Variants in MSH4 observed in about 807,000 individuals in gnomAD.
MSH4 encodes the protein mutS homolog 4.
A neutral mutation model predicts 113.7 loss-of-function variants in MSH4; 106 were observed. That is an observed-to-expected ratio of 0.93 (90% CI 0.80 to 1.10). MSH4 has a LOEUF of 1.10. MSH4 is among the 50% of genes least tolerant of loss of function. MSH4 has a pLI of 0.00. For synonymous variants in MSH4, 368 were observed against 380.2 expected, an observed-to-expected ratio of 0.97 and a Z score of 0.37; for missense variants, 1,061 against 1,093.7, an observed-to-expected ratio of 0.97 and a Z score of 0.42.
chr1:75,837,271 C>A (rs1360891860), intron 7 of MSH4, among the ~76,000 whole-genome samples: 1 of 151,980 alleles, frequency 6.6e-6, no homozygotes, highest in Non-Finnish European at 1.5e-5. Flanking sequence ...AAATAAATTT[C>A]TCTTGTTTAT....
chr1:75,819,747 G>T (rs1289877393), intron 6 of MSH4, among the ~76,000 whole-genome samples: 2 of 152,136 alleles, frequency 1.3e-5, no homozygotes, highest in Non-Finnish European at 2.9e-5. Context: ...GTCTCACTTT[G>T]TAGCCCAGGC....
chr1:75,874,441 C>G (rs1448977650), intron 9 of MSH4, among the ~76,000 whole-genome samples: 2 of 152,026 alleles, frequency 1.3e-5, no homozygotes, highest in African/African-American at 4.8e-5. Flanking sequence ...ATCCTCCAAC[C>G]TTTCCTGAGT....
In MSH4 at chr1:75,883,692, G is replaced by GA; in HGVS notation, c.1983dup (p.Pro662ThrfsTer13). The GA allele has an allele frequency of 6.2e-7, 1 of 1,613,248 alleles. No homozygotes were observed. Among genetic ancestry groups the GA allele is most frequent in the Non-Finnish European group, 8.5e-7 (1 of 1,179,622 alleles). On this transcript the variant is annotated frameshift_variant, in exon 15 of 20. Coordinates refer to ENST00000263187, the MANE Select transcript of MSH4 (RefSeq NM_002440.4). LOFTEE classifies it high-confidence loss of function. ...TCCTATTCTTGAAAAAATATCTGCG[G>GA]AAAAACCTATTGCCAACAATACCTA... is the stretch of plus-strand genomic sequence containing the variant.
In MSH4 at chr1:75,879,214, A is replaced by G. The variant is rs5745452; in HGVS notation, c.1677+86A>G. 970 of 1,307,480 alleles carry G rather than the reference A, an allele frequency of 7.4e-4. 8 individuals are homozygous for G. The African/African-American group carries it at 0.013, about 17-fold the overall frequency. 81.0% of individuals were successfully genotyped at this position (1,307,480 alleles called of 1,614,324 possible). On this transcript the variant is annotated intron_variant, in intron 12 of 19. Transcript: ENST00000263187. The stretch of plus-strand genomic sequence containing the variant: ...TTTTTGGGACTTCTTGAGTTTTGCA[A>G]GCCAAATTTCTGAATGTTCTGTATC...
intron 8 of MSH4, among the ~76,000 whole-genome samples, chr1:75,859,053 G>A (rs1651388338): frequency 6.6e-6 from 1 of 152,196 alleles, no homozygotes; most frequent in African/African-American, 2.4e-5. Context: ...TATTTGCATA[G>A]AGGTGTTTAT....
Position 75,883,721 on chromosome 1 carries a change from T to C in MSH4, c.2007T>C (p.Val669=), listed in dbSNP as rs1433701834. 5.6e-6 allele frequency: 9 copies of C among 1,613,452 alleles called. No individual in the cohort carries two copies. The highest frequency in any genetic ancestry group is 6.8e-6 in the Non-Finnish European group (8 of 1,179,654). ...AACCTATTGCCAACAATACCTATGT[T>C]ACAGAAGGGAGTAATTTTTTGATCA... The part of the protein sequence containing the change: ...AEKPIANNTY[V]TEGSNFLIIT... The change falls in exon 15 of 20, where the codon GTT becomes GTC. Residue 669 remains valine, a synonymous_variant. Transcript: ENST00000263187.
intron 8 of MSH4, among the ~76,000 whole-genome samples, chr1:75,862,059 GGGA>G (rs1651467800): frequency 6.6e-6 from 1 of 152,188 alleles, no homozygotes; most frequent in Admixed American, 6.5e-5. Context: ...TGAGCTACCA[GGGA>G]GGAGGTCTCT....
intron 7 of MSH4, among the ~76,000 whole-genome samples, chr1:75,833,647 A>G (rs897495833): frequency 1.3e-5 from 2 of 151,412 alleles, no homozygotes; most frequent in Non-Finnish European, 3.0e-5. Context: ...ACAACCATCT[A>G]ATCTTTGACA....
In MSH4 at chr1:75,796,980, G is replaced by C. The variant is rs756314831; in HGVS notation, c.-6G>C. On this transcript the variant is annotated 5_prime_UTR_variant, in exon 1 of 20. Coordinates refer to ENST00000263187, the MANE Select transcript of MSH4 (RefSeq NM_002440.4). ...ATACTTCTCGGGTCAGGGAAGGTTT[G>C]GGAGGATGCTGAGGCCTGAGATCTC... The C allele has an allele frequency of 6.2e-7, 1 of 1,613,914 alleles. No homozygotes were observed. Among genetic ancestry groups the C allele is most frequent in the East Asian group, 2.2e-5 (1 of 44,870 alleles).
rs912214680 is a variant in MSH4, at chr1:75,825,453, A to C, written c.1162+2872A>C. Among the ~76,000 whole-genome samples, 3 of 151,984 alleles carry C rather than the reference A, an allele frequency of 2.0e-5. 1 individual carries two copies. Among genetic ancestry groups the C allele is most frequent in the Non-Finnish European group, 4.4e-5 (3 of 68,004 alleles). ...CTCTCTTCCTATATGAATACCCTTT[A>C]TTTCTTTCTCTTGCCTGATTGCCCT... On this transcript the variant is annotated intron_variant, in intron 7 of 19. Coordinates refer to ENST00000263187, the MANE Select transcript of MSH4 (RefSeq NM_002440.4).
At chr1:75,885,318 G>GGT (rs58647865) in intron 15 of MSH4, among the ~76,000 whole-genome samples, 26 of 105,332 alleles carry the variant, frequency 2.5e-4, no homozygotes, top group African/African-American at 7.6e-4. Flanking sequence ...TCACACTGGG[G>GGT]GTGTGTGTGT....
At chr1:75,838,178 CTCTGGAGGGGGAG>C (rs1195541957) in intron 7 of MSH4, among the ~76,000 whole-genome samples, 5 of 152,184 alleles carry the variant, frequency 3.3e-5, no homozygotes, top group East Asian at 1.9e-4. Flanking sequence ...TTTCCAAAGG[CTCTGGAGGGGGAG>C]TCCATTTCCT....
At chr1:75,906,292 A>G (rs1204942343) in intron 19 of MSH4, among the ~76,000 whole-genome samples, 1 of 149,194 alleles carries the variant, frequency 6.7e-6, no homozygotes, top group Non-Finnish European at 1.5e-5. Context: ...TAGGACATTT[A>G]CATTCAATAC....
chr1:75,876,767 A>G (rs1358888703), intron 9 of MSH4, among the ~76,000 whole-genome samples, 169 bp from the exon 10 acceptor site: 3 of 152,092 alleles, frequency 2.0e-5, no homozygotes, highest in Non-Finnish European at 4.4e-5. Flanking sequence ...AAAGGGAAAG[A>G]TACAGTCTAT....
At chr1:75,878,808 G>C (rs769143022) in intron 11 of MSH4, among the ~76,000 whole-genome samples, 184 bp from the exon 12 acceptor site, 8 of 147,880 alleles carry the variant, frequency 5.4e-5, no homozygotes, top group Non-Finnish European at 9.0e-5. Context: ...CAGCCTGGGC[G>C]ACAGAGTGAG....
chr1:75,888,389 A>G (rs1652173164), intron 15 of MSH4, among the ~76,000 whole-genome samples: 1 of 152,004 alleles, frequency 6.6e-6, no homozygotes, highest in Non-Finnish European at 1.5e-5. Flanking sequence ...ATTTGTTTTC[A>G]AAAAACGAAT....
chr1:75,826,014 G>A (rs550514560), intron 7 of MSH4, among the ~76,000 whole-genome samples: 1 of 152,212 alleles, frequency 6.6e-6, no homozygotes, highest in South Asian at 2.1e-4. Context: ...TTATTCTATT[G>A]TTTGAAATAG....
chr1:75,876,881 T>C, intron 9 of MSH4, 55 bp from the exon 10 acceptor site: 2 of 1,008,358 alleles, frequency 2.0e-6, no homozygotes, highest in Non-Finnish European at 2.9e-6. Flanking sequence ...AAATGATATG[T>C]TTGAATGATC....
intron 7 of MSH4, among the ~76,000 whole-genome samples, chr1:75,829,208 G>A (rs555251351): frequency 4.4e-4 from 67 of 152,282 alleles, no homozygotes; most frequent in Admixed American, 4.4e-3. Flanking sequence ...GTCTGAGATC[G>A]AACTGCAAGG....
Sources: gnomAD v4.1 joint callset for allele counts (sites outside exome capture counted in the v4.1 genomes callset) on GRCh38, gnomAD v4.1.1 for gene constraint, MANE v1.5 for transcripts, NCBI Gene and HGNC (gene_info 2026-07-23, HGNC 2026-07-21) for gene names.